The following CNTNAP5 variants were observed in gnomAD, a reference collection of about 807,000 sequenced individuals.
CNTNAP5 encodes contactin associated protein family member 5, also known as contactin-associated protein-like 5.
A neutral mutation model predicts 150.2 loss-of-function variants in CNTNAP5; 72 were observed. That is an observed-to-expected ratio of 0.48 (90% CI 0.40 to 0.58). The LOEUF (loss-of-function observed/expected upper bound fraction) is 0.58. Ranked by LOEUF, CNTNAP5 falls within the 20% of genes least tolerant of loss-of-function variation. CNTNAP5 has a pLI of 0.00. For synonymous variants in CNTNAP5, 672 were observed against 619.8 expected, an observed-to-expected ratio of 1.08 and a Z score of -1.25; for missense variants, 1,636 against 1,626.2, an observed-to-expected ratio of 1.01 and a Z score of -0.10.
chr2:124,886,229 A>T (rs1678076628), intron 21 of CNTNAP5, among the ~76,000 whole-genome samples: 1 of 152,084 alleles, frequency 6.6e-6, no homozygotes, highest in African/African-American at 2.4e-5. Flanking sequence ...GTTAATGAGG[A>T]TAAGGATAAT....
chr2:124,065,837 A>G (rs1209321473), intron 1 of CNTNAP5, among the ~76,000 whole-genome samples: 1 of 152,162 alleles, frequency 6.6e-6, no homozygotes, highest in Non-Finnish European at 1.5e-5. Flanking sequence ...TAAAAAATCC[A>G]ATTTAGTTCA....
At chr2:124,483,459 T>G (rs1261064664) in intron 7 of CNTNAP5, among the ~76,000 whole-genome samples, 1 of 152,160 alleles carries the variant, frequency 6.6e-6, no homozygotes, top group Non-Finnish European at 1.5e-5. Context: ...CCAGGCATTG[T>G]GGAGCACAGT....
At chr2:124,479,854 G>A (rs1017272075) in intron 7 of CNTNAP5, among the ~76,000 whole-genome samples, 1 of 152,090 alleles carries the variant, frequency 6.6e-6, no homozygotes, top group Non-Finnish European at 1.5e-5. Context: ...AGAAAGTTAC[G>A]AAACTTCAGT....
At chr2:124,514,953 T>G (rs1254933136) in intron 8 of CNTNAP5, among the ~76,000 whole-genome samples, 1 of 152,176 alleles carries the variant, frequency 6.6e-6, no homozygotes, top group Non-Finnish European at 1.5e-5. Flanking sequence ...GGTTAGCGTG[T>G]GGATGTTTGA....
chr2:124,174,853 C>T (rs911020430), intron 1 of CNTNAP5, among the ~76,000 whole-genome samples: 7 of 152,150 alleles, frequency 4.6e-5, no homozygotes, highest in African/African-American at 1.7e-4. Flanking sequence ...TCATTGTTGT[C>T]CTATTTTAAG....
At chr2:124,133,538 G>C (rs1371144) in intron 1 of CNTNAP5, among the ~76,000 whole-genome samples, 20,314 of 152,106 alleles carry the variant, frequency 0.13, 1,446 homozygotes, top group Middle Eastern at 0.23. Context: ...CTGCTTATCT[G>C]GCTGGAGTTG....
In CNTNAP5 at chr2:124,524,319, T is replaced by C. The variant is rs751958583; in HGVS notation, c.1344T>C (p.Asp448=). Residue 448 remains aspartate, a synonymous_variant, in exon 9 of 24, where the codon GAT becomes GAC. Transcript: ENST00000682447. The part of the protein sequence containing the change: ...AEILTGSNLN[D]GLWHSVSINA... ...CTCTTGCAGGCAGCAACTTGAATGA[T>C]GGCCTGTGGCACTCGGTTAGCATCA... is the stretch of plus-strand genomic sequence containing the variant. The C allele has an allele frequency of 3.1e-6, 5 of 1,613,842 alleles. No homozygotes were observed. The South Asian group carries it at 4.4e-5, about 14-fold the overall frequency.
intron 7 of CNTNAP5, among the ~76,000 whole-genome samples, chr2:124,478,921 T>TAGCAGGCTGCATTC (rs1693705032): frequency 6.6e-6 from 1 of 152,168 alleles, no homozygotes; most frequent in Non-Finnish European, 1.5e-5. Context: ...TATGCCTCTT[T>TAGCAGGCTGCATTC]AGCAGGCTGC....
At chr2:124,712,424 C>T (rs12471305) in intron 13 of CNTNAP5, among the ~76,000 whole-genome samples, 24,749 of 152,162 alleles carry the variant, frequency 0.16, 2,288 homozygotes, top group East Asian at 0.24. Context: ...GCTGCCAGGA[C>T]TCATATCCAA....
intron 1 of CNTNAP5, among the ~76,000 whole-genome samples, chr2:124,192,932 CA>C (rs1231210720): frequency 6.6e-6 from 1 of 152,146 alleles, no homozygotes; most frequent in African/African-American, 2.4e-5. Context: ...GCTAGAATTT[CA>C]AAATGAAGGA....
intron 1 of CNTNAP5, among the ~76,000 whole-genome samples, chr2:124,130,729 A>AT (rs1239980398): frequency 6.6e-6 from 1 of 152,150 alleles, no homozygotes; most frequent in South Asian, 2.1e-4. Flanking sequence ...GGCTTATATA[A>AT]TTTTTTATCA....
At chr2:124,397,268 C>G (rs957824570) in intron 3 of CNTNAP5, among the ~76,000 whole-genome samples, 1 of 152,114 alleles carries the variant, frequency 6.6e-6, no homozygotes, top group Non-Finnish European at 1.5e-5. Flanking sequence ...ACTTAAACAA[C>G]AGAAATTTAT....
intron 3 of CNTNAP5, among the ~76,000 whole-genome samples, chr2:124,323,551 G>C (rs1298025574): frequency 1.3e-5 from 2 of 152,132 alleles, no homozygotes; most frequent in African/African-American, 4.8e-5. Context: ...CCCGACTCTG[G>C]GAGGCAGAAG....
chr2:124,739,207 T>C (rs1407539938), intron 13 of CNTNAP5, among the ~76,000 whole-genome samples: 1 of 152,154 alleles, frequency 6.6e-6, no homozygotes, highest in Non-Finnish European at 1.5e-5. Context: ...TGAACAACAT[T>C]ATAAAAATGT....
At chr2:124,251,930 C>T (rs1687188342) in intron 3 of CNTNAP5, among the ~76,000 whole-genome samples, 1 of 152,174 alleles carries the variant, frequency 6.6e-6, no homozygotes, top group African/African-American at 2.4e-5. Flanking sequence ...CATGAGCAAG[C>T]TAGCCCACTA....
chr2:124,243,581 C>T (rs1686941462), intron 3 of CNTNAP5, among the ~76,000 whole-genome samples: 1 of 152,054 alleles, frequency 6.6e-6, no homozygotes, highest in Non-Finnish European at 1.5e-5. Flanking sequence ...CGTAAGTTTT[C>T]TTCATTTTCA....
intron 1 of CNTNAP5, among the ~76,000 whole-genome samples, chr2:124,092,175 G>C (rs1270399729): frequency 6.6e-6 from 1 of 152,170 alleles, no homozygotes; most frequent in African/African-American, 2.4e-5. Context: ...CATTATACAA[G>C]GGGATAAACT....
At chr2:124,529,923 C>G (rs938799197) in intron 10 of CNTNAP5, among the ~76,000 whole-genome samples, 1 of 152,162 alleles carries the variant, frequency 6.6e-6, no homozygotes, top group African/African-American at 2.4e-5. Context: ...TCCCGCCCTG[C>G]CAGCTTTTGT....
chr2:124,067,413 C>A (rs1487936077), intron 1 of CNTNAP5, among the ~76,000 whole-genome samples: 4 of 152,230 alleles, frequency 2.6e-5, no homozygotes, highest in East Asian at 3.9e-4. Context: ...GGCTGCATCA[C>A]CCCAATCCCT....
Sources: gnomAD v4.1 joint callset for allele counts (sites outside exome capture counted in the v4.1 genomes callset) on GRCh38, gnomAD v4.1.1 for gene constraint, MANE v1.5 for transcripts, NCBI Gene and HGNC (gene_info 2026-07-23, HGNC 2026-07-21) for gene names.